The following ANKRD45 variants were observed in gnomAD, a reference collection of about 807,000 sequenced individuals.
ANKRD45 encodes the protein ankyrin repeat domain-containing protein 45.
A neutral mutation model predicts 28.1 loss-of-function variants in ANKRD45; 21 were observed. That is an observed-to-expected ratio of 0.75 (90% CI 0.53 to 1.08). ANKRD45 has a LOEUF of 1.08. ANKRD45 is among the 50% of genes least tolerant of loss of function. The probability of loss-of-function intolerance (pLI) is 0.00; values close to 1 mark genes in which losing one functional copy is unlikely to be tolerated. For missense variants in ANKRD45, 261 were observed against 308.7 expected, an observed-to-expected ratio of 0.85 and a Z score of 1.16; for synonymous variants, 86 against 103.9, an observed-to-expected ratio of 0.83 and a Z score of 1.05.
At chr1:173,617,842 C>G (rs964875419) in intron 5 of ANKRD45, among the ~76,000 whole-genome samples, 1 of 152,204 alleles carries the variant, frequency 6.6e-6, no homozygotes, top group African/African-American at 2.4e-5. Context: ...GACCTCCCAA[C>G]ACGGGTCTTC....
At chr1:173,679,779 T>A in the ANKRD45 span, among the ~76,000 whole-genome samples, 2 of 152,046 alleles carry the variant, frequency 1.3e-5, no homozygotes, top group African/African-American at 4.8e-5. Flanking sequence ...TGGGAGAAAA[T>A]TTTTGCAATC....
At chr1:173,704,381 T>C in the ANKRD45 span, among the ~76,000 whole-genome samples, 1 of 152,240 alleles carries the variant, frequency 6.6e-6, no homozygotes, top group Non-Finnish European at 1.5e-5. Flanking sequence ...CTTTTCCTGC[T>C]TTCCAGTTGC....
intron 1 of ANKRD45, among the ~76,000 whole-genome samples, chr1:173,661,186 G>T (rs1426700796): frequency 6.6e-6 from 1 of 152,134 alleles, no homozygotes; most frequent in African/African-American, 2.4e-5. Context: ...TCAAGATCAT[G>T]TTTACCAGGG....
At chr1:173,693,564 A>G in the ANKRD45 span, among the ~76,000 whole-genome samples, 12 of 152,328 alleles carry the variant, frequency 7.9e-5, no homozygotes, top group African/African-American at 2.2e-4. Context: ...ATCAACCATC[A>G]ACATCTCATT....
At chr1:173,693,398 C>T in the ANKRD45 span, among the ~76,000 whole-genome samples, 7 of 152,182 alleles carry the variant, frequency 4.6e-5, no homozygotes, top group Non-Finnish European at 8.8e-5. Context: ...ATCTATCTCC[C>T]TATTCATCCA....
chr1:173,663,684 C>A (rs888275099), intron 1 of ANKRD45, among the ~76,000 whole-genome samples: 2 of 152,192 alleles, frequency 1.3e-5, no homozygotes, highest in African/African-American at 4.8e-5. Flanking sequence ...TTCCTTCCCA[C>A]TGGATTTCAA....
Position 173,655,531 on chromosome 1 carries a change from C to T in ANKRD45, c.328+3560G>A, listed in dbSNP as rs1669463946. On this transcript the variant is annotated intron_variant, in intron 2 of 5. Transcript: ENST00000333279. ...CCACCTGTATGAGGTGTCAGTCGGCCCCTACTGGGAGGTGTCTCCCAGTTA... is the reference window on the plus strand; with the variant it reads ...CCACCTGTATGAGGTGTCAGTCGGCTCCTACTGGGAGGTGTCTCCCAGTTA... Among the ~76,000 whole-genome samples the T allele has an allele frequency of 5.9e-5, 9 of 152,190 alleles. No homozygotes were observed. The South Asian group carries it at 1.9e-3, about 32-fold the overall frequency.
intron 1 of ANKRD45, among the ~76,000 whole-genome samples, chr1:173,665,778 G>A (rs577231316): frequency 6.6e-6 from 1 of 152,278 alleles, no homozygotes; most frequent in East Asian, 1.9e-4. Flanking sequence ...GGGGACTGAG[G>A]TGAGTGGATC....
intron 3 of ANKRD45, among the ~76,000 whole-genome samples, chr1:173,637,669 T>C (rs183526273): frequency 6.6e-6 from 1 of 152,150 alleles, no homozygotes; most frequent in African/African-American, 2.4e-5. Context: ...AGCAGTAGGG[T>C]GGATGCATCA....
rs150396423 is a variant in ANKRD45, at chr1:173,659,370, G to T, written c.49C>A (p.Gln17Lys). 244 of 1,606,522 alleles carry T rather than the reference G, an allele frequency of 1.5e-4. No individual in the cohort carries two copies. In the African/African-American group the frequency reaches 3.1e-3, roughly 21 times the overall value. The change falls in exon 2 of 6, where the codon CAG becomes AAG. Residue 17 changes from glutamine to lysine, a missense_variant. Gln to Lys is a moderately conservative substitution (Grantham distance 53, BLOSUM62 1). Transcript: ENST00000333279. ...TCTTCTTCATTTTCCTCTTCTTGCT[G>T]TGAGAAAAATTCTGAACTCTCTGAC... The part of the protein sequence containing the change: ...PESESSEFFS[Q>K]QEEENEEEEA...
chr1:173,707,555 A>G, the ANKRD45 span, among the ~76,000 whole-genome samples: 1 of 152,020 alleles, frequency 6.6e-6, no homozygotes, highest in Admixed American at 6.6e-5. Context: ...CTGGTCTTGA[A>G]CTGCTGACCT....
chr1:173,658,976 A>G, intron 2 of ANKRD45, 115 bp downstream of exon 2: 1 of 1,401,226 alleles, frequency 7.1e-7, no homozygotes, highest in Non-Finnish European at 9.5e-7. Context: ...AGATGTATAT[A>G]CACATATATG....
chr1:173,659,309 T>C lies in ANKRD45; in HGVS notation c.110A>G (p.Asn37Ser). The stretch of plus-strand genomic sequence containing the variant: ...TGTGAGAGCAGGTTGTAAAAGGGGG[T>C]TCTTAGGGCCTGTTTCCTCTGGTTC... ...AQEPEETGPK[N>S]PLLQPALTGD... Residue 37 changes from asparagine (N) to serine (S), a missense_variant, in exon 2 of 6, where the codon AAC becomes AGC. Asn to Ser is a conservative substitution (Grantham distance 46). Transcript: ENST00000333279. 6.2e-7 allele frequency: 1 copy of C among 1,613,546 alleles called. No homozygotes were observed.
At chr1:173,672,910 A>G (rs1670302671), upstream of ANKRD45, among the ~76,000 whole-genome samples, 1 of 152,330 alleles carries the variant, frequency 6.6e-6, no homozygotes, top group African/African-American at 2.4e-5. Flanking sequence ...ATGGAGGTCC[A>G]GATAAGACAG....
the ANKRD45 span, among the ~76,000 whole-genome samples, chr1:173,695,805 T>A: frequency 2.6e-5 from 4 of 152,152 alleles, no homozygotes; most frequent in African/African-American, 7.2e-5. Flanking sequence ...CTGAACTAGT[T>A]GACATTCCCA....
chr1:173,683,093 G>A, the ANKRD45 span, among the ~76,000 whole-genome samples: 1 of 151,718 alleles, frequency 6.6e-6, no homozygotes, highest in Non-Finnish European at 1.5e-5. Flanking sequence ...AACCCAATGA[G>A]AAAAAGACCA....
At chr1:173,693,141 A>C in the ANKRD45 span, among the ~76,000 whole-genome samples, 3 of 152,066 alleles carry the variant, frequency 2.0e-5, no homozygotes, top group African/African-American at 7.2e-5. Flanking sequence ...CTCTACTAAA[A>C]ATACAAAAAT....
intron 3 of ANKRD45, among the ~76,000 whole-genome samples, chr1:173,643,866 T>C (rs936869494): frequency 2.0e-5 from 3 of 152,196 alleles, no homozygotes; most frequent in Non-Finnish European, 4.4e-5. Flanking sequence ...CGGAAAAGAA[T>C]AGTACCTGGC....
chr1:173,630,844 A>C (rs1448694310), intron 3 of ANKRD45, among the ~76,000 whole-genome samples: 2 of 134,402 alleles, frequency 1.5e-5, no homozygotes, highest in Non-Finnish European at 3.3e-5. Context: ...AAAAAAAAAA[A>C]AGAGAGAGAG....
Sources: gnomAD v4.1 joint callset for allele counts (sites outside exome capture counted in the v4.1 genomes callset) on GRCh38, gnomAD v4.1.1 for gene constraint, MANE v1.5 for transcripts, NCBI Gene and HGNC (gene_info 2026-07-23, HGNC 2026-07-21) for gene names.